Variants in CCNT2 observed in about 807,000 individuals in gnomAD.
The protein encoded by CCNT2 is cyclin-T2.
In CCNT2, 18 loss-of-function variants were observed where a neutral mutation model predicts 70.0. That is an observed-to-expected ratio of 0.26 (90% CI 0.18 to 0.38). The LOEUF (loss-of-function observed/expected upper bound fraction) is 0.38, where lower values mean the gene tolerates loss of function less well. Among genes scored for constraint, CCNT2 ranks in the 10% least tolerant of loss-of-function variants. The pLI is 1.00. For missense variants in CCNT2, 734 were observed against 890.2 expected, an observed-to-expected ratio of 0.82 and a Z score of 2.23; for synonymous variants, 334 against 313.3, an observed-to-expected ratio of 1.07 and a Z score of -0.70.
At position 134,953,812 on chromosome 2, in the gene CCNT2, A is replaced by G. The variant is rs764455542; in HGVS notation, c.1357A>G (p.Arg453Gly). The G allele has an allele frequency of 3.1e-6, 5 of 1,613,792 alleles. No individual in the cohort carries two copies. In the Admixed American group the frequency reaches 8.3e-5, roughly 27 times the overall value. ...ACTAGAAACTCTTGATCTCGATGTA[A>G]GGGATCATTATATAGCTGCCCAGGT... is the stretch of plus-strand genomic sequence containing the variant. Reference protein sequence around the residue: ...RKLETLDLDVRDHYIAAQVEQ... With the variant: ...RKLETLDLDVGDHYIAAQVEQ... Residue 453 changes from arginine to glycine, a missense_variant, in exon 9 of 9, where the codon AGG becomes GGG. By Grantham distance (125) the Arg-to-Gly change is moderately radical. Coordinates refer to ENST00000264157, the MANE Select transcript of CCNT2 (RefSeq NM_058241.3).
chr2:134,921,660 ACTT>A (rs1035146673), intron 2 of CCNT2, among the ~76,000 whole-genome samples: 1 of 152,058 alleles, frequency 6.6e-6, no homozygotes, highest in Non-Finnish European at 1.5e-5. Flanking sequence ...GGCCATCTTC[ACTT>A]CTTTGTTTTG....
At chr2:134,930,092 T>G (rs1680631963) in intron 2 of CCNT2, among the ~76,000 whole-genome samples, 1 of 152,120 alleles carries the variant, frequency 6.6e-6, no homozygotes. Context: ...ACAATCTCAG[T>G]TTAGAATATT....
In CCNT2 at chr2:134,953,921, C is replaced by G. The variant is rs760903754; in HGVS notation, c.1466C>G (p.Ala489Gly). The G allele has an allele frequency of 6.2e-7, 1 of 1,613,694 alleles. No homozygotes were observed. The highest frequency in any genetic ancestry group is 2.2e-5 in the East Asian group (1 of 44,854). Residue 489 changes from alanine to glycine, a missense_variant, in exon 9 of 9, where the codon GCA (alanine) becomes GGA (glycine). Ala to Gly is a moderately conservative substitution (Grantham distance 60, BLOSUM62 0). Around this residue, in one of 3 missense-constraint regions of CCNT2, gnomAD observed 532 missense variants for 556.9 expected, o/e 0.96. Coordinates refer to ENST00000264157, the MANE Select transcript of CCNT2 (RefSeq NM_058241.3). ...CCCATTAAAATGAAAATACCTATCG[C>G]AAATACTGAAAAATACATGGCAGAC... ...TSPIKMKIPI[A>G]NTEKYMADKK...
intron 4 of CCNT2, among the ~76,000 whole-genome samples, chr2:134,942,093 A>G (rs982434979): frequency 4.0e-5 from 6 of 151,658 alleles, no homozygotes; most frequent in African/African-American, 9.7e-5. Flanking sequence ...TGAGACCTCT[A>G]TGGTTTGTCA....
At chr2:134,946,278 TG>T in intron 6 of CCNT2, 132 bp downstream of exon 6, 1 of 1,282,414 alleles carries the variant, frequency 7.8e-7, no homozygotes, top group Non-Finnish European at 1.1e-6. Context: ...GGTACCTTCC[TG>T]TTTGCTTTGC....
At position 134,940,124 on chromosome 2, in the gene CCNT2, C is replaced by T. The variant is rs148617749; in HGVS notation, c.430+1062C>T. ...TTGTCATTTTTTTAATTTCATTACTCCATTCCCAGATGTTGAATAGAAGTG... is the reference window on the plus strand; with the variant it reads ...TTGTCATTTTTTTAATTTCATTACTTCATTCCCAGATGTTGAATAGAAGTG... On this transcript the variant is annotated intron_variant, in intron 4 of 8. Coordinates refer to ENST00000264157, the MANE Select transcript of CCNT2 (RefSeq NM_058241.3). 8.5e-5 allele frequency among the ~76,000 whole-genome samples: 13 copies of T among 152,314 alleles called. No homozygotes were observed. In the East Asian group the frequency reaches 2.5e-3, roughly 29 times the overall value.
chr2:134,945,757 T>C, intron 5 of CCNT2: 2 of 1,300,236 alleles, frequency 1.5e-6, no homozygotes, highest in Non-Finnish European at 2.0e-6. Flanking sequence ...AAATCTTTTC[T>C]TCTTCTTCTT....
chr2:134,925,312 T>C (rs1168872736), intron 2 of CCNT2, among the ~76,000 whole-genome samples: 1 of 152,226 alleles, frequency 6.6e-6, no homozygotes, highest in East Asian at 1.9e-4. Context: ...TTTTGCCCTT[T>C]TTGTGATATA....
intron 4 of CCNT2, among the ~76,000 whole-genome samples, chr2:134,939,976 TG>T (rs759800706): frequency 1.1e-4 from 16 of 152,290 alleles, no homozygotes; most frequent in Middle Eastern, 3.4e-3. Context: ...ACATGGGCTT[TG>T]GGGAGATCCA....
intron 5 of CCNT2, chr2:134,943,688 G>C: frequency 1.0e-6 from 1 of 984,882 alleles, no homozygotes; most frequent in Non-Finnish European, 1.2e-6. Flanking sequence ...CTATATATCT[G>C]TTGTATCCCT....
At chr2:134,944,115 T>G in intron 5 of CCNT2, 1 of 983,712 alleles carries the variant, frequency 1.0e-6, no homozygotes, top group Non-Finnish European at 1.2e-6. Flanking sequence ...AGCTAGAACA[T>G]ATTTAACTGT....
At chr2:134,937,829 G>A (rs1179939786) in intron 3 of CCNT2, among the ~76,000 whole-genome samples, 6 of 152,176 alleles carry the variant, frequency 3.9e-5, no homozygotes, top group East Asian at 1.9e-4. Context: ...CAGGAGAATC[G>A]CTTGAACCCA....
rs370679041 is a variant in CCNT2, at chr2:134,919,007, C to T, written c.153C>T (p.Leu51=). 1.2e-5 allele frequency: 19 copies of T among 1,610,278 alleles called. No individual in the cohort carries two copies. In the African/African-American group the frequency reaches 2.4e-4, roughly 20 times the overall value. The change falls in exon 1 of 9, where the codon CTC becomes CTT. Residue 51 remains leucine (L), a synonymous_variant. Coordinates refer to ENST00000264157, the MANE Select transcript of CCNT2 (RefSeq NM_058241.3). ...TCATCCAGGAGATGGGACAGCGTCT[C>T]AATGTGTATCCTTTTCTGTTCGCCG... is the stretch of plus-strand genomic sequence containing the variant. The part of the protein sequence containing the change: ...ANLIQEMGQR[L]NVSQLTINTA...
At chr2:134,927,986 G>T (rs982166108) in intron 2 of CCNT2, among the ~76,000 whole-genome samples, 3 of 152,170 alleles carry the variant, frequency 2.0e-5, no homozygotes, top group Non-Finnish European at 2.9e-5. Flanking sequence ...AAAAGAAATG[G>T]ATGAGAACTG....
In CCNT2 at chr2:134,932,071, G is replaced by A. The variant is rs1248683770; in HGVS notation, c.241-4770G>A. Among the ~76,000 whole-genome samples, 6 of 151,258 alleles carry A rather than the reference G, an allele frequency of 4.0e-5. No individual in the cohort carries two copies. In the East Asian group the frequency reaches 5.9e-4, roughly 15 times the overall value. On this transcript the variant is annotated intron_variant, in intron 2 of 8. Coordinates refer to ENST00000264157, the MANE Select transcript of CCNT2 (RefSeq NM_058241.3). ...TGCAGTGGTGCTCGCTGCAACCTCC[G>A]CCTCCCAGGTTCAAGCGATTCCCCT...
At chr2:134,919,288 C>A (rs1245215500) in intron 1 of CCNT2, among the ~76,000 whole-genome samples, 1 of 152,030 alleles carries the variant, frequency 6.6e-6, no homozygotes, top group Non-Finnish European at 1.5e-5. Context: ...GTGGCTCAGG[C>A]GAAAGAGGAA....
At chr2:134,944,300 C>T (rs1297269852) in intron 5 of CCNT2, 1 of 982,246 alleles carries the variant, frequency 1.0e-6, no homozygotes, top group East Asian at 1.1e-4. Context: ...AGCATTGTAG[C>T]CATATAATTT....
At chr2:134,921,380 G>T (rs1679894288) in intron 2 of CCNT2, among the ~76,000 whole-genome samples, 1 of 151,402 alleles carries the variant, frequency 6.6e-6, no homozygotes, top group African/African-American at 2.4e-5. Context: ...TTGAGACAGA[G>T]TCTCACTCTG....
chr2:134,928,062 T>A, intron 2 of CCNT2, among the ~76,000 whole-genome samples: 1 of 152,156 alleles, frequency 6.6e-6, no homozygotes, highest in Non-Finnish European at 1.5e-5. Context: ...AGTGACAATA[T>A]GCAGTTCAAG....
Sources: allele counts gnomAD v4.1 joint callset (sites outside exome capture counted in the v4.1 genomes callset), GRCh38; gene constraint gnomAD v4.1.1; regional missense constraint gnomAD v4.1.1; transcripts MANE v1.5; gene names NCBI Gene and HGNC (gene_info 2026-07-23, HGNC 2026-07-21).